The following CYB5RL variants were observed in gnomAD, a reference collection of about 807,000 sequenced individuals.
The protein encoded by CYB5RL is NADH-cytochrome b5 reductase-like.
Under a neutral mutation model 37.5 loss-of-function variants are expected in CYB5RL, and 38 were observed. The ratio of observed to expected loss-of-function variants is 1.01; its 90% CI spans 0.78 to 1.33. The LOEUF (loss-of-function observed/expected upper bound fraction) is 1.33. CYB5RL is among the 40% of genes most tolerant of loss of function. The pLI is 0.00. For synonymous variants in CYB5RL, 141 were observed against 151.9 expected (o/e 0.93, Z 0.53); for missense variants, 388 against 394.4 (o/e 0.98, Z 0.14).
At chr1:54,175,732 CAGTATAAGAGCT>C (rs1444729074) in intron 7 of CYB5RL, 1 of 412,066 alleles carries the variant, frequency 2.4e-6, no homozygotes, top group African/African-American at 2.1e-5. Context: ...ACAAAAAATA[CAGTATAAGAGCT>C]ATTTACTCAA....
At chr1:54,189,841 A>G (rs1643933594) in intron 4 of CYB5RL, among the ~76,000 whole-genome samples, 2 of 152,220 alleles carry the variant, frequency 1.3e-5, no homozygotes. Context: ...AAGTGGCCAG[A>G]GTCTGAGCAG....
intron 6 of CYB5RL, chr1:54,180,002 T>G (rs1660116647): frequency 2.2e-6 from 1 of 453,056 alleles, no homozygotes; most frequent in South Asian, 1.6e-5. Flanking sequence ...ACCTAGTACT[T>G]TGGGAGGCCA....
intron 7 of CYB5RL, 84 bp from the exon 8 acceptor site, chr1:54,174,906 G>A (rs1423767012): frequency 6.9e-7 from 1 of 1,449,112 alleles, no homozygotes; most frequent in African/African-American, 1.4e-5. Flanking sequence ...TCTGCAAAAT[G>A]AGGAAACCAA....
chr1:54,175,984 C>A (rs1306927524), intron 7 of CYB5RL, among the ~76,000 whole-genome samples: 1 of 152,182 alleles, frequency 6.6e-6, no homozygotes, highest in Non-Finnish European at 1.5e-5. Context: ...CACAAAAAAA[C>A]AAAATCCAGA....
chr1:54,174,846 G>GT (rs1214028658), intron 7 of CYB5RL, 24 bp from the exon 8 acceptor site: 3 of 1,606,976 alleles, frequency 1.9e-6, no homozygotes, highest in Non-Finnish European at 2.5e-6. Context: ...AAAGGCATGG[G>GT]TGACTACAAG....
At chr1:54,183,350 G>A (rs1463439488) in intron 6 of CYB5RL, among the ~76,000 whole-genome samples, 2 of 152,232 alleles carry the variant, frequency 1.3e-5, no homozygotes, top group Non-Finnish European at 2.9e-5. Context: ...ACTTCCATAA[G>A]TGGAATTACT....
At position 54,179,196 on chromosome 1, in the gene CYB5RL, C is replaced by A; in HGVS notation, c.697G>T (p.Glu233Ter). The A allele has an allele frequency of 6.2e-7, 1 of 1,613,792 alleles. No homozygotes were observed. The highest frequency in any genetic ancestry group is 1.1e-5 in the South Asian group (1 of 90,942). ...CGGACATTCCAGAAACGGGCCTGCT[C>A]TTGGAGGAAGGTTTTCAGGTAGATG... ...ESIYLKTFLQEQARFWNVRTF... is the reference protein window; with the variant it reads ...ESIYLKTFLQ The change falls in exon 7 of 8, where the codon GAG (glutamate) becomes TAG (stop). Residue 233 changes from glutamate (E) to a stop codon, truncating the protein, a stop_gained. Coordinates refer to ENST00000534324, the MANE Select transcript of CYB5RL (RefSeq NM_001031672.4). LOFTEE classifies it high-confidence loss of function.
intron 3 of CYB5RL, among the ~76,000 whole-genome samples, chr1:54,193,453 A>G (rs1368093124): frequency 1.3e-5 from 2 of 152,208 alleles, no homozygotes; most frequent in Non-Finnish European, 2.9e-5. Flanking sequence ...AGAAGAAAGA[A>G]ACAGAGGTTG....
At position 54,174,902 on chromosome 1, in the gene CYB5RL, A is replaced by G. The variant is rs546560777; in HGVS notation, c.745-80T>C. 8.1e-5 allele frequency: 119 copies of G among 1,466,390 alleles called. No individual in the cohort carries two copies. In the African/African-American group the frequency reaches 1.6e-3, roughly 19 times the overall value. 90.8% of individuals were successfully genotyped at this position (1,466,390 alleles called of 1,614,324 possible). On this transcript the variant is annotated intron_variant, in intron 7 of 7. Coordinates refer to ENST00000534324, the MANE Select transcript of CYB5RL (RefSeq NM_001031672.4). ...TTCACACAGCCAGCTCTCCTCTGCA[A>G]AATGAGGAAACCAAGGCAGAGGGTG...
chr1:54,184,816 T>C (rs1056264907), intron 5 of CYB5RL: 1 of 152,572 alleles, frequency 6.6e-6, no homozygotes, highest in African/African-American at 2.4e-5. Flanking sequence ...ATTCAAAATT[T>C]TAAAACTCTA....
intron 3 of CYB5RL, among the ~76,000 whole-genome samples, chr1:54,194,350 A>G (rs1393300312): frequency 6.6e-6 from 1 of 152,132 alleles, no homozygotes; most frequent in Admixed American, 6.5e-5. Context: ...AGCCTGGGCA[A>G]CAAGAGCAAA....
At chr1:54,179,450 C>G in intron 6 of CYB5RL, 98 bp from the exon 7 acceptor site, 3 of 1,240,784 alleles carry the variant, frequency 2.4e-6, no homozygotes, top group Non-Finnish European at 2.2e-6. Context: ...TTCAACTGGA[C>G]GGCAGTGCCC....
At chr1:54,197,589 G>A (rs956608404) in intron 1 of CYB5RL, among the ~76,000 whole-genome samples, 8 of 152,072 alleles carry the variant, frequency 5.3e-5, no homozygotes, top group African/African-American at 1.9e-4. Context: ...AGTCAGATGT[G>A]AGTTTGTTTT....
chr1:54,199,603 G>A (rs1042851293), intron 1 of CYB5RL, among the ~76,000 whole-genome samples: 1 of 152,222 alleles, frequency 6.6e-6, no homozygotes, highest in African/African-American at 2.4e-5. Context: ...TGAGCAAGGA[G>A]CAAAGGCGCA....
intron 6 of CYB5RL, chr1:54,183,935 ACTGCACTCCAGC>A: frequency 3.8e-6 from 1 of 260,184 alleles, no homozygotes; most frequent in Middle Eastern, 1.2e-3. Flanking sequence ...AGATCGCGTC[ACTGCACTCCAGC>A]CTGGGCAACA....
At chr1:54,198,790 C>T (rs879925507) in intron 1 of CYB5RL, among the ~76,000 whole-genome samples, 6 of 151,900 alleles carry the variant, frequency 3.9e-5, no homozygotes, top group African/African-American at 7.3e-5. Context: ...TGCCATCACG[C>T]CTCGCTAATT....
At chr1:54,187,609 G>C in intron 5 of CYB5RL, 43 bp downstream of exon 5, 1 of 1,583,566 alleles carries the variant, frequency 6.3e-7, no homozygotes, top group South Asian at 1.1e-5. Context: ...TAGACCCATA[G>C]CTTCTCCACG....
chr1:54,176,008 T>C (rs1269539744), intron 7 of CYB5RL, among the ~76,000 whole-genome samples: 1 of 152,200 alleles, frequency 6.6e-6, no homozygotes, highest in East Asian at 1.9e-4. Flanking sequence ...GAGCCATCAC[T>C]CTGCAGATCC....
rs533094127 is a variant in CYB5RL at position 54,178,948 on chromosome 1, C to G, written c.744+201G>C. 4.1e-3 allele frequency among the ~76,000 whole-genome samples: 625 copies of G among 152,328 alleles called. 3 individuals carry two copies. Among genetic ancestry groups the G allele is most frequent in the African/African-American group, 0.014 (590 of 41,578 alleles). On this transcript the variant is annotated intron_variant, in intron 7 of 7. Coordinates refer to ENST00000534324, the MANE Select transcript of CYB5RL (RefSeq NM_001031672.4). ...TCCAGCAGCGTGAGCCGGTGGGCAGCTTCACCCACTGAATGTGCATCTCCT... is the reference window on the plus strand; with the variant it reads ...TCCAGCAGCGTGAGCCGGTGGGCAGGTTCACCCACTGAATGTGCATCTCCT...
Sources: gnomAD v4.1 joint callset for allele counts (sites outside exome capture counted in the v4.1 genomes callset) on GRCh38, gnomAD v4.1.1 for gene constraint, MANE v1.5 for transcripts, NCBI Gene and HGNC (gene_info 2026-07-23, HGNC 2026-07-21) for gene names.